Variants in ACER1 observed in about 807,000 individuals in gnomAD.
The protein encoded by ACER1 is CTB-180A7.3.
A neutral mutation model predicts 24.9 loss-of-function variants in ACER1; 28 were observed. That is an observed-to-expected ratio of 1.13 (90% confidence interval 0.83 to 1.54). ACER1 has a LOEUF of 1.54. ACER1 is among the 40% of genes most tolerant of loss of function. The pLI, the probability that ACER1 is intolerant of heterozygous loss-of-function variation, is 0.00. For synonymous variants in ACER1, 132 were observed against 131.4 expected (o/e 1.00, Z -0.03); for missense variants, 352 against 349.3 (o/e 1.01, Z -0.06).
chr19:6,308,148 C>A (rs2091560877), intron 4 of ACER1, among the ~76,000 whole-genome samples: 1 of 151,906 alleles, frequency 6.6e-6, no homozygotes, highest in Middle Eastern at 3.4e-3. Flanking sequence ...AATATTAACT[C>A]AGTCAGCTGG....
chr19:6,341,593 C>CT, the ACER1 span, among the ~76,000 whole-genome samples: 25 of 146,508 alleles, frequency 1.7e-4, no homozygotes, highest in South Asian at 6.5e-4. Flanking sequence ...TAGCATTGGG[C>CT]TTTTTTTTGT....
intron 1 of ACER1, among the ~76,000 whole-genome samples, chr19:6,315,248 G>T (rs2091597838): frequency 6.6e-6 from 1 of 151,660 alleles, no homozygotes; most frequent in Non-Finnish European, 1.5e-5. Context: ...CTGTTGCCGA[G>T]GCTGGAATGC....
chr19:6,315,252 G>A (rs1272723765), intron 1 of ACER1, among the ~76,000 whole-genome samples: 1 of 151,694 alleles, frequency 6.6e-6, no homozygotes, highest in Non-Finnish European at 1.5e-5. Context: ...TGCCGAGGCT[G>A]GAATGCAGTG....
chr19:6,312,040 G>T, intron 3 of ACER1, 109 bp downstream of exon 3: 1 of 1,402,788 alleles, frequency 7.1e-7, no homozygotes, highest in Middle Eastern at 2.6e-4. Flanking sequence ...GAATTCCAAG[G>T]GCCCCAAAGA....
intron 1 of ACER1, among the ~76,000 whole-genome samples, chr19:6,322,173 G>A (rs1457351914): frequency 9.2e-5 from 14 of 152,064 alleles, no homozygotes; most frequent in South Asian, 4.1e-4. Flanking sequence ...TCCAACTTAC[G>A]GCATCTGCCT....
intron 1 of ACER1, among the ~76,000 whole-genome samples, chr19:6,316,469 C>T (rs182976444): frequency 2.6e-5 from 4 of 152,128 alleles, no homozygotes; most frequent in East Asian, 3.9e-4. Context: ...AATGCCTTTG[C>T]GGCAACATGG....
chr19:6,341,266 C>T, the ACER1 span, among the ~76,000 whole-genome samples: 2 of 149,548 alleles, frequency 1.3e-5, no homozygotes, highest in South Asian at 2.1e-4. Context: ...GCCAAGATTT[C>T]GCCACTGCAA....
At chr19:6,347,109 A>AAAAAAAAAAATATATATATATATAT in the ACER1 span, among the ~76,000 whole-genome samples, 3 of 113,778 alleles carry the variant, frequency 2.6e-5, no homozygotes, top group African/African-American at 1.5e-4. Flanking sequence ...AAAAAAAAAA[A>AAAAAAAAAAATATATATATATATAT]ATATATATAT....
the ACER1 span, among the ~76,000 whole-genome samples, chr19:6,349,468 AGAAGGAAGGAAGGAGG>A: frequency 8.0e-6 from 1 of 125,172 alleles, no homozygotes; most frequent in Non-Finnish European, 1.7e-5. Context: ...AAGGAAGGAA[AGAAGGAAGGAAGGAGG>A]GAGGGAAGGA....
the ACER1 span, among the ~76,000 whole-genome samples, chr19:6,357,299 C>T: frequency 6.6e-6 from 1 of 151,808 alleles, no homozygotes; most frequent in Non-Finnish European, 1.5e-5. Context: ...CGCCCGCCTC[C>T]GCCTCCCAAA....
At chr19:6,311,435 G>A (rs2091579506) in intron 3 of ACER1, among the ~76,000 whole-genome samples, 2 of 151,930 alleles carry the variant, frequency 1.3e-5, no homozygotes, top group South Asian at 2.1e-4. Flanking sequence ...CCAGCTACTC[G>A]GGAGGCTGAG....
chr19:6,346,663 G>T, the ACER1 span, among the ~76,000 whole-genome samples: 1 of 151,398 alleles, frequency 6.6e-6, no homozygotes, highest in Admixed American at 6.6e-5. Context: ...TAATCCTGGG[G>T]CCTCTCTCCT....
chr19:6,309,082 C>G (rs1287584603), intron 4 of ACER1, among the ~76,000 whole-genome samples: 1 of 151,978 alleles, frequency 6.6e-6, no homozygotes, highest in African/African-American at 2.4e-5. Flanking sequence ...ACCTGTACTC[C>G]CAGCTGCTCG....
upstream of ACER1, among the ~76,000 whole-genome samples, chr19:6,335,433 C>T (rs1022066335): frequency 3.3e-5 from 5 of 151,752 alleles, no homozygotes; most frequent in Admixed American, 6.6e-5. Context: ...CCATATTGAC[C>T]AGGCTGGCCT....
the ACER1 span, among the ~76,000 whole-genome samples, chr19:6,347,085 G>A: frequency 1.1e-4 from 11 of 100,366 alleles, no homozygotes; most frequent in African/African-American, 3.9e-4. Context: ...AACACCACGA[G>A]TCCCTGTCTC....
the ACER1 span, among the ~76,000 whole-genome samples, chr19:6,349,172 A>G: frequency 3.3e-5 from 5 of 151,094 alleles, no homozygotes; most frequent in African/African-American, 9.7e-5. Context: ...AAGAAGAAGA[A>G]GAAGGAGGAG....
chr19:6,358,439 C>T, the ACER1 span, among the ~76,000 whole-genome samples: 2 of 152,134 alleles, frequency 1.3e-5, no homozygotes, highest in Non-Finnish European at 2.9e-5. Context: ...CTGCAGTCCC[C>T]TCGAGGTTAC....
intron 1 of ACER1, 39 bp downstream of exon 1, chr19:6,333,420 G>A (rs577713451): frequency 2.5e-5 from 38 of 1,499,698 alleles, no homozygotes; most frequent in Admixed American, 1.2e-4. Context: ...GATTCGAACC[G>A]GCATCTGGCG....
chr19:6,351,308 G>A, the ACER1 span, among the ~76,000 whole-genome samples: 1 of 152,086 alleles, frequency 6.6e-6, no homozygotes, highest in Non-Finnish European at 1.5e-5. Context: ...GGGGGTTGCA[G>A]TGAGCCGAGA....
Sources: gnomAD v4.1 joint callset for allele counts (sites outside exome capture counted in the v4.1 genomes callset) on GRCh38, gnomAD v4.1.1 for gene constraint, MANE v1.5 for transcripts, NCBI Gene and HGNC (gene_info 2026-07-23, HGNC 2026-07-21) for gene names.